ALK: variants seen among roughly 807,000 people sequenced by gnomAD.
ALK encodes the protein ALK tyrosine kinase receptor.
Under a neutral mutation model 163.1 loss-of-function variants are expected in ALK, and 74 were observed. The observed-to-expected ratio is 0.45, with a 90% CI of 0.38 to 0.55. ALK has a LOEUF of 0.55. Among genes scored for constraint, ALK ranks in the 20% least tolerant of loss-of-function variants. The probability of loss-of-function intolerance (pLI) is 0.00; values close to 1 mark genes in which losing one functional copy is unlikely to be tolerated. For synonymous variants in ALK, 960 were observed against 843.2 expected (o/e 1.14, Z -2.40); for missense variants, 2,063 against 2,105.3 (o/e 0.98, Z 0.39).
chr2:29,207,316 C>A (rs1457652716), intron 25 of ALK, 44 bp from the exon 26 acceptor site: 1 of 1,423,104 alleles, frequency 7.0e-7, no homozygotes, highest in Non-Finnish European at 9.9e-7. Context: ...CTGGAGATGG[C>A]ATTAAGCATC....
intron 1 of ALK, among the ~76,000 whole-genome samples, chr2:29,840,173 C>A (rs78085760): frequency 0.011 from 1,712 of 152,322 alleles, 40 homozygotes; most frequent in African/African-American, 0.038. Flanking sequence ...CTATCTCTTT[C>A]TTTTAAGTCA....
chr2:29,574,003 T>C (rs1375182114), intron 3 of ALK, among the ~76,000 whole-genome samples: 1 of 151,668 alleles, frequency 6.6e-6, no homozygotes, highest in African/African-American at 2.4e-5. Flanking sequence ...GTAGTGAGAA[T>C]ACCAAGTACA....
intron 1 of ALK, among the ~76,000 whole-genome samples, chr2:29,760,075 A>C (rs1436148810): frequency 1.3e-5 from 2 of 152,196 alleles, no homozygotes; most frequent in African/African-American, 2.4e-5. Context: ...AGTGCAACTA[A>C]GCTACAAGTA....
intron 8 of ALK, among the ~76,000 whole-genome samples, chr2:29,314,043 C>T (rs2148244475): frequency 6.6e-6 from 1 of 152,288 alleles, no homozygotes; most frequent in South Asian, 2.1e-4. Context: ...TCAACACAGC[C>T]TGCCTCTCGG....
chr2:29,786,957 G>A (rs1044417997), intron 1 of ALK, among the ~76,000 whole-genome samples: 1 of 152,186 alleles, frequency 6.6e-6, no homozygotes, highest in Admixed American at 6.5e-5. Context: ...CACCACGCCT[G>A]GCTAATTTTT....
At chr2:29,588,371 C>T (rs1192242256) in intron 3 of ALK, among the ~76,000 whole-genome samples, 1 of 152,122 alleles carries the variant, frequency 6.6e-6, no homozygotes, top group Non-Finnish European at 1.5e-5. Context: ...GCTGGGATTA[C>T]AGGCACCCAC....
intron 4 of ALK, among the ~76,000 whole-genome samples, chr2:29,467,791 T>C (rs533969187): frequency 3.8e-4 from 58 of 152,340 alleles, no homozygotes; most frequent in Non-Finnish European, 7.3e-4. Context: ...TCTATCAAGT[T>C]AGACATTAGA....
intron 28 of ALK, among the ~76,000 whole-genome samples, chr2:29,194,332 G>T (rs1003085159): frequency 6.6e-6 from 1 of 152,104 alleles, no homozygotes; most frequent in South Asian, 2.1e-4. Context: ...CTTCAAGAGT[G>T]ATGGTGGGGG....
chr2:29,476,709 C>T (rs1573386580), intron 4 of ALK, among the ~76,000 whole-genome samples: 2 of 151,758 alleles, frequency 1.3e-5, no homozygotes, highest in East Asian at 1.9e-4. Context: ...AGACTCAGAG[C>T]GTGTGAGGCT....
At chr2:29,832,512 A>G (rs1665447499) in intron 1 of ALK, among the ~76,000 whole-genome samples, 1 of 152,256 alleles carries the variant, frequency 6.6e-6, no homozygotes, top group South Asian at 2.1e-4. Flanking sequence ...GTGTGTGCAC[A>G]CTAGGGCTAC....
At position 29,508,191 on chromosome 2, in the gene ALK, G is replaced by C. The variant is rs561958304; in HGVS notation, c.1154+23724C>G. ...TCAAGGCAAGCAGAAAGTACACGTG[G>C]ACCCTCTGAAACTGTTCTGGCCTCT... is the stretch of plus-strand genomic sequence containing the variant. On this transcript the variant is annotated intron_variant, in intron 4 of 28. Coordinates refer to ENST00000389048, the MANE Select transcript of ALK (RefSeq NM_004304.5). 5.9e-5 allele frequency among the ~76,000 whole-genome samples: 9 copies of C among 152,178 alleles called. 1 individual carries two copies. In the South Asian group the frequency reaches 1.9e-3, roughly 32 times the overall value.
At chr2:29,499,597 C>A (rs1672116409) in intron 4 of ALK, among the ~76,000 whole-genome samples, 1 of 152,180 alleles carries the variant, frequency 6.6e-6, no homozygotes, top group Non-Finnish European at 1.5e-5. Context: ...ACTCTCTAGA[C>A]CCTCTCGCCT....
At chr2:29,652,897 G>T (rs892588430) in intron 3 of ALK, among the ~76,000 whole-genome samples, 2 of 151,770 alleles carry the variant, frequency 1.3e-5, no homozygotes, top group Admixed American at 1.3e-4. Flanking sequence ...ATAATAAATC[G>T]GTAGACATAA....
intron 3 of ALK, among the ~76,000 whole-genome samples, chr2:29,663,347 A>G (rs1677409390): frequency 6.6e-6 from 1 of 152,336 alleles, no homozygotes; most frequent in South Asian, 2.1e-4. Flanking sequence ...CAGGTGAGTC[A>G]AAGTAAACGT....
chr2:29,864,662 T>G (rs1321672170), intron 1 of ALK, among the ~76,000 whole-genome samples: 1 of 152,156 alleles, frequency 6.6e-6, no homozygotes, highest in African/African-American at 2.4e-5. Flanking sequence ...TTCATACATA[T>G]TGTCTCATGT....
intron 1 of ALK, among the ~76,000 whole-genome samples, chr2:29,821,286 AC>A (rs1021192813): frequency 2.0e-5 from 3 of 151,990 alleles, no homozygotes; most frequent in Admixed American, 6.6e-5. Context: ...CCTCTGAGTC[AC>A]TAGGGGGAGA....
At chr2:29,688,512 C>T (rs547017286) in intron 3 of ALK, among the ~76,000 whole-genome samples, 8 of 152,210 alleles carry the variant, frequency 5.3e-5, no homozygotes, top group African/African-American at 1.4e-4. Flanking sequence ...ACCAATGGGG[C>T]ATACAACAGA....
chr2:29,547,453 C>T (rs866281114), intron 3 of ALK, among the ~76,000 whole-genome samples: 8 of 152,050 alleles, frequency 5.3e-5, no homozygotes, highest in South Asian at 2.1e-4. Flanking sequence ...AAAGATTAGC[C>T]GGGCATGGTG....
intron 1 of ALK, among the ~76,000 whole-genome samples, chr2:29,724,054 T>C (rs567954631): frequency 6.6e-6 from 1 of 152,334 alleles, no homozygotes. Context: ...ATGAACATAA[T>C]ATAATAAATA....
Sources: allele counts gnomAD v4.1 joint callset (sites outside exome capture counted in the v4.1 genomes callset), GRCh38; gene constraint gnomAD v4.1.1; transcripts MANE v1.5; gene names NCBI Gene and HGNC (gene_info 2026-07-23, HGNC 2026-07-21).